TP53I13: variants seen among roughly 807,000 people sequenced by gnomAD.
TP53I13 encodes tumor protein p53-inducible protein 13.
TP53I13 carries 27 observed loss-of-function variants against 39.1 expected under a neutral mutation model. The ratio of observed to expected loss-of-function variants is 0.69; its 90% CI spans 0.51 to 0.95. TP53I13 has a LOEUF of 0.95. Ranked by LOEUF, TP53I13 falls within the 40% of genes least tolerant of loss-of-function variation. The pLI is 0.00. For missense variants in TP53I13, 544 were observed against 520.4 expected (o/e 1.05, Z -0.44); for synonymous variants, 230 against 224.6 (o/e 1.02, Z -0.22).
chr17:29,579,978 C>T, the TP53I13 span, among the ~76,000 whole-genome samples: 1 of 152,162 alleles, frequency 6.6e-6, no homozygotes, highest in African/African-American at 2.4e-5. Flanking sequence ...GTCTCTATCC[C>T]AGTCTTGCTT....
At chr17:29,566,481 C>A, upstream of TP53I13, 1 of 1,611,914 alleles carries the variant, frequency 6.2e-7, no homozygotes, top group South Asian at 1.1e-5. Flanking sequence ...CATTGGGGAT[C>A]ACCAGAAGCA....
the TP53I13 span, chr17:29,581,984 T>C: frequency 6.2e-7 from 1 of 1,607,920 alleles, no homozygotes; most frequent in Non-Finnish European, 8.5e-7. The surrounding 1 kb of genome is among the most constrained non-coding windows in gnomAD (Gnocchi z 4.8). Flanking sequence ...GTCAGCCCCA[T>C]ACACTACAAG....
the TP53I13 span, chr17:29,578,341 T>C: frequency 5.6e-6 from 9 of 1,614,046 alleles, no homozygotes; most frequent in Non-Finnish European, 7.6e-6. Context: ...TACACGTCCA[T>C]GGCGAGTTCC....
At chr17:29,568,621 GGC>G, upstream of TP53I13, 1 of 381,078 alleles carries the variant, frequency 2.6e-6, no homozygotes, top group Non-Finnish European at 3.6e-6. The surrounding 1 kb of genome is among the most constrained non-coding windows in gnomAD (Gnocchi z 4.5). Flanking sequence ...TCTGGGGAGG[GGC>G]GCGCGCGAGC....
downstream of TP53I13, chr17:29,575,392 T>A: frequency 6.2e-7 from 1 of 1,613,572 alleles, no homozygotes; most frequent in Non-Finnish European, 8.5e-7. The surrounding 1 kb of genome is among the most constrained non-coding windows in gnomAD (Gnocchi z 5.5). Flanking sequence ...GCCCAGGATC[T>A]AGGTCTCCAT....
chr17:29,576,938 G>T, downstream of TP53I13: 1 of 1,594,680 alleles, frequency 6.3e-7, no homozygotes, highest in Non-Finnish European at 8.5e-7. Flanking sequence ...AGGCCACGCT[G>T]TCGTAGTCGT....
chr17:29,566,556 C>T (rs200655865), upstream of TP53I13: 161 of 1,609,638 alleles, frequency 1.0e-4, no homozygotes, highest in Middle Eastern at 6.6e-4. Context: ...CCACCCAGTC[C>T]AGGGCCACTA....
upstream of TP53I13, chr17:29,567,988 C>T (rs1349089235): frequency 1.3e-5 from 2 of 152,076 alleles, no homozygotes; most frequent in Non-Finnish European, 2.9e-5. This position sits in a 1 kb window ranked among gnomAD's most constrained non-coding sequence, Gnocchi z 6.6. Flanking sequence ...GGGGTGAGGC[C>T]TGTGGCGTCC....
At chr17:29,566,440 C>A, upstream of TP53I13, 1 of 1,612,372 alleles carries the variant, frequency 6.2e-7, no homozygotes, top group Admixed American at 1.7e-5. Flanking sequence ...CAAGCAAAGG[C>A]CGAGCACGTT....
chr17:29,567,357 C>T (rs2032746553), upstream of TP53I13: 1 of 152,414 alleles, frequency 6.6e-6, no homozygotes, highest in African/African-American at 2.4e-5. This position sits in a 1 kb window ranked among gnomAD's most constrained non-coding sequence, Gnocchi z 6.6. Context: ...GGGTCTTCCG[C>T]CAGACCCTGG....
chr17:29,568,801 GC>G lies in TP53I13; in HGVS notation c.46del (p.Leu16SerfsTer10). ...PPSPQLLLLA[A>X]LARLLGPSEV... ...TTCGCCCCAACTGCTTCTCCTGGCA[GC>G]CCTCGCGAGGCTCCTGGGTCCCAGC... On this transcript the variant is annotated frameshift_variant, in exon 1 of 7. Coordinates refer to ENST00000301057, the MANE Select transcript of TP53I13 (RefSeq NM_138349.4). LOFTEE classifies it high-confidence loss of function. The surrounding 1 kb of genome is among the most constrained non-coding windows in gnomAD (Gnocchi z 4.5). 6.3e-7 allele frequency: 1 copy of G among 1,598,660 alleles called. No homozygotes were observed.
intron 3 of TP53I13, chr17:29,570,614 T>A (rs1400056939): frequency 6.6e-6 from 1 of 152,214 alleles, no homozygotes; most frequent in Non-Finnish European, 1.5e-5. Context: ...ATTCCTCTGT[T>A]CACAAACTGT....
In TP53I13 at chr17:29,572,811, G is replaced by C. The variant is rs1223008244; in HGVS notation, c.1070-1G>C. 6.7e-7 allele frequency: 1 copy of C among 1,490,776 alleles called. No individual in the cohort carries two copies. The highest frequency in any genetic ancestry group is 8.9e-7 in the Non-Finnish European group (1 of 1,119,068). The allele number at this position is 1,490,776 out of a possible 1,614,324, so 92.3% of individuals were successfully genotyped here. On this transcript the variant is annotated splice_acceptor_variant, in intron 6 of 6. Transcript: ENST00000301057. LOFTEE classifies it high-confidence loss of function. The stretch of plus-strand genomic sequence containing the variant: ...TTGACTGCTCGGCGCCCGGCCCACA[G>C]CTGTGCTGAAGCGGAGGCTGCTGCA...
In TP53I13 at chr17:29,572,847, C is replaced by G. The variant is rs993687049; in HGVS notation, c.1105C>G (p.Arg369Gly). The G allele has an allele frequency of 1.3e-6, 2 of 1,525,274 alleles. No individual in the cohort carries two copies. Among genetic ancestry groups the G allele is most frequent in the African/African-American group, 1.4e-5 (1 of 71,158 alleles). The allele number at this position is 1,525,274 out of a possible 1,614,324, so 94.5% of individuals were successfully genotyped here. Residue 369 changes from arginine (R) to glycine (G), a missense_variant, in exon 7 of 7, where the codon CGG becomes GGG. Transcript: ENST00000301057. ...LKRRLLQPSR[R>G]VKRSRRRPLL... Reference sequence around the variant, plus strand: ...GCGGAGGCTGCTGCAGCCCTCGCGCCGGGTCAAGCGCTCGCGCCGGAGACC... The same window carrying G: ...GCGGAGGCTGCTGCAGCCCTCGCGCGGGGTCAAGCGCTCGCGCCGGAGACC...
chr17:29,581,904 T>C, the TP53I13 span: 1 of 911,304 alleles, frequency 1.1e-6, no homozygotes, highest in Non-Finnish European at 1.7e-6. This position sits in a 1 kb window ranked among gnomAD's most constrained non-coding sequence, Gnocchi z 4.8. Flanking sequence ...CCACCCACAC[T>C]GCACCCTTCA....
At chr17:29,568,131 C>A (rs973276560), upstream of TP53I13, 1 of 152,100 alleles carries the variant, frequency 6.6e-6, no homozygotes, top group East Asian at 1.9e-4. This position sits in a 1 kb window ranked among gnomAD's most constrained non-coding sequence, Gnocchi z 4.5. Flanking sequence ...GTTTGGGGAG[C>A]GGAGACACCT....
At chr17:29,581,349 C>T in the TP53I13 span, 2 of 1,612,540 alleles carry the variant, frequency 1.2e-6, no homozygotes, top group South Asian at 2.2e-5. The surrounding 1 kb of genome is among the most constrained non-coding windows in gnomAD (Gnocchi z 4.8). Context: ...TGTCAGCCAT[C>T]TGTGGGATGA....
In TP53I13 at chr17:29,568,792, C is replaced by T; in HGVS notation, c.34C>T (p.Leu12Phe). 5.0e-6 allele frequency: 8 copies of T among 1,598,204 alleles called. No individual in the cohort carries two copies. The highest frequency in any genetic ancestry group is 6.8e-6 in the Non-Finnish European group (8 of 1,179,160). ...APPPPSPQLL[L>F]LAALARLLGP... Reference sequence around the variant, plus strand: ...TCCTCCGCCTTCGCCCCAACTGCTTCTCCTGGCAGCCCTCGCGAGGCTCCT... The same window carrying T: ...TCCTCCGCCTTCGCCCCAACTGCTTTTCCTGGCAGCCCTCGCGAGGCTCCT... Residue 12 changes from leucine to phenylalanine, a missense_variant, in exon 1 of 7, where the codon CTC becomes TTC. By Grantham distance (22) the Leu-to-Phe change is conservative. Coordinates refer to ENST00000301057, the MANE Select transcript of TP53I13 (RefSeq NM_138349.4). The surrounding 1 kb of genome is among the most constrained non-coding windows in gnomAD (Gnocchi z 4.5).
At chr17:29,572,753 G>T in intron 6 of TP53I13, 56 bp downstream of exon 6, 1 of 778,598 alleles carries the variant, frequency 1.3e-6, no homozygotes, top group Non-Finnish European at 1.8e-6. Flanking sequence ...CGCGTCGCCC[G>T]CCGCCCCCCG....
Sources: gnomAD v4.1 joint callset for allele counts (sites outside exome capture counted in the v4.1 genomes callset) on GRCh38, gnomAD v4.1.1 for gene constraint, Gnocchi (gnomAD v3.1) non-coding constraint, MANE v1.5 for transcripts, NCBI Gene and HGNC (gene_info 2026-07-23, HGNC 2026-07-21) for gene names.